Variants in CARD8 observed in about 807,000 individuals in gnomAD.
CARD8 encodes the protein caspase recruitment domain-containing protein 8.
Under a neutral mutation model 53.2 loss-of-function variants are expected in CARD8, and 38 were observed. The observed-to-expected ratio is 0.71, with a 90% CI of 0.55 to 0.94. CARD8 has a LOEUF of 0.94. Among genes scored for constraint, CARD8 ranks in the 40% least tolerant of loss-of-function variants. CARD8 has a pLI of 0.00. For synonymous variants in CARD8, 245 were observed against 244.9 expected (o/e 1.00, Z 0.00); for missense variants, 561 against 655.5 (o/e 0.86, Z 1.57).
rs538718681 is a variant in CARD8, at chr19:48,224,342, A to C, written c.1036-2487T>G. Among the ~76,000 whole-genome samples the C allele has an allele frequency of 1.4e-4, 22 of 152,318 alleles. No individual in the cohort carries two copies. The South Asian group carries it at 4.6e-3, about 32-fold the overall frequency. ...TAGTAATGTATTTCATTTAACTCAC[A>C]ATATCATTTAGGCATGTAACCAACA... is the stretch of plus-strand genomic sequence containing the variant. On this transcript the variant is annotated intron_variant, in intron 10 of 13. Transcript: ENST00000651546.
At chr19:48,243,379 A>G (rs898122381) in intron 3 of CARD8, among the ~76,000 whole-genome samples, 1 of 152,166 alleles carries the variant, frequency 6.6e-6, no homozygotes, top group Non-Finnish European at 1.5e-5. Context: ...CCACCACTGA[A>G]TTTATCTGCA....
downstream of CARD8, chr19:48,206,388 T>C (rs1434263732): frequency 2.2e-6 from 1 of 455,964 alleles, no homozygotes; most frequent in Non-Finnish European, 4.4e-6. Context: ...GCCTACCGTA[T>C]TGGATAGTGA....
Position 48,252,834 on chromosome 19 carries a change from CACAT to C in CARD8, c.-252+2954_-252+2957del, listed in dbSNP as rs890418330. 1.3e-3 allele frequency among the ~76,000 whole-genome samples: 197 copies of C among 151,812 alleles called. 1 individual carries two copies. Among genetic ancestry groups the C allele is most frequent in the African/African-American group, 4.6e-3 (190 of 41,470 alleles). On this transcript the variant is annotated intron_variant, in intron 1 of 13. Transcript: ENST00000651546. ...ACACACACACACACACACACACACA[CACAT>C]ATGTGTATACATATACAACTACATA...
downstream of CARD8, among the ~76,000 whole-genome samples, chr19:48,207,194 A>C (rs1443302115): frequency 2.6e-5 from 4 of 151,300 alleles, no homozygotes; most frequent in Admixed American, 2.0e-4. Flanking sequence ...GAAAAGAAAA[A>C]AAAAACCATG....
chr19:48,211,596 A>G lies in CARD8; in HGVS notation c.*114T>C. 1 of 1,024,538 alleles carries G rather than the reference A, an allele frequency of 9.8e-7. No homozygotes were observed. Among genetic ancestry groups the G allele is most frequent in the Non-Finnish European group, 1.4e-6 (1 of 691,602 alleles). 63.5% of individuals were successfully genotyped at this position (1,024,538 alleles called of 1,614,324 possible). A position where few individuals can be genotyped will look rare whatever the true frequency, so the allele number is the denominator to read the frequency against. On this transcript the variant is annotated 3_prime_UTR_variant, in exon 14 of 14. Coordinates refer to ENST00000651546, the MANE Select transcript of CARD8 (RefSeq NM_001184900.3). ...TCTGTCCTGAAAGCCTGTGTGATAG[A>G]TGTTACCCAGTCTTCTTCTGTCTTG...
At chr19:48,252,139 C>T (rs2047007482) in intron 1 of CARD8, among the ~76,000 whole-genome samples, 2 of 152,090 alleles carry the variant, frequency 1.3e-5, no homozygotes, top group Non-Finnish European at 2.9e-5. Flanking sequence ...ATGATCAGCT[C>T]TCAGGGAGCA....
chr19:48,225,513 G>A, intron 10 of CARD8, among the ~76,000 whole-genome samples: 1 of 152,062 alleles, frequency 6.6e-6, no homozygotes, highest in South Asian at 2.1e-4. Context: ...ATAAAGGGAG[G>A]GATGGACCAG....
chr19:48,233,226 G>C (rs2043233741), intron 6 of CARD8: 2 of 417,036 alleles, frequency 4.8e-6, no homozygotes, highest in Non-Finnish European at 9.6e-6. Flanking sequence ...TGAGCCAATG[G>C]TTCGTCATGC....
intron 5 of CARD8, among the ~76,000 whole-genome samples, chr19:48,235,431 G>A (rs545045519): frequency 6.6e-6 from 1 of 152,304 alleles, no homozygotes; most frequent in East Asian, 1.9e-4. Context: ...CTGCCACCAT[G>A]TAAGACATGC....
At chr19:48,239,081 G>A (rs763640496) in intron 4 of CARD8, among the ~76,000 whole-genome samples, 18 of 152,172 alleles carry the variant, frequency 1.2e-4, no homozygotes, top group African/African-American at 2.2e-4. Context: ...TCTATCCTTC[G>A]TTGGTCCTAA....
chr19:48,226,377 T>A (rs2041796453), intron 10 of CARD8, among the ~76,000 whole-genome samples: 1 of 152,110 alleles, frequency 6.6e-6, no homozygotes, highest in Admixed American at 6.6e-5. Flanking sequence ...GCATGTGCCA[T>A]CACATCCAGC....
rs553638152 is a variant in CARD8 at position 48,217,079 on chromosome 19, G to A, written c.1304-1695C>T. On this transcript the variant is annotated intron_variant, in intron 12 of 13. Transcript: ENST00000651546. ...CTGCACAGTTCACAATAGGGTTCGCGCTCCTACGAGAATGTAATGCCACCA... is the reference window on the plus strand; with the variant it reads ...CTGCACAGTTCACAATAGGGTTCGCACTCCTACGAGAATGTAATGCCACCA... Among the ~76,000 whole-genome samples the A allele has an allele frequency of 1.3e-3, 199 of 152,082 alleles. 1 individual carries two copies. Among genetic ancestry groups the A allele is most frequent in the African/African-American group, 4.6e-3 (192 of 41,454 alleles).
At chr19:48,214,298 A>G (rs2038704518) in intron 13 of CARD8, among the ~76,000 whole-genome samples, 1 of 152,194 alleles carries the variant, frequency 6.6e-6, no homozygotes. Context: ...GGTGATGGTC[A>G]GGCAGTTGTT....
intron 7 of CARD8, 116 bp from the exon 8 acceptor site, chr19:48,231,926 C>G (rs759973272): frequency 4.6e-6 from 4 of 870,504 alleles, no homozygotes; most frequent in Middle Eastern, 2.1e-4. Context: ...CGAATGAGAG[C>G]TGAGAGTGAC....
rs2042949591 is a variant in CARD8, at chr19:48,231,829, A to C, written c.392-19T>G. 2 of 1,612,444 alleles carry C rather than the reference A, an allele frequency of 1.2e-6. No homozygotes were observed. Among genetic ancestry groups the C allele is most frequent in the African/African-American group, 2.7e-5 (2 of 74,890 alleles). On this transcript the variant is annotated intron_variant, in intron 7 of 13. Coordinates refer to ENST00000651546, the MANE Select transcript of CARD8 (RefSeq NM_001184900.3). ...ATGTCTCCTGAAAAGAAAATACTAG[A>C]CATGTAAGAGGTAAAGGGTTGGAAG...
intron 10 of CARD8, among the ~76,000 whole-genome samples, chr19:48,228,625 A>G (rs1027391866): frequency 3.3e-5 from 5 of 152,206 alleles, no homozygotes; most frequent in African/African-American, 1.2e-4. Context: ...ATTGAGAAGC[A>G]TAAGGGAAAA....
At chr19:48,205,938 C>T (rs1361160603), downstream of CARD8, among the ~76,000 whole-genome samples, 1 of 152,108 alleles carries the variant, frequency 6.6e-6, no homozygotes, top group Non-Finnish European at 1.5e-5. Flanking sequence ...CACTCTGTCA[C>T]CCAGGCTGGA....
At chr19:48,234,655 T>A in intron 5 of CARD8, 112 bp from the exon 6 acceptor site, 1 of 986,856 alleles carries the variant, frequency 1.0e-6, no homozygotes, top group South Asian at 1.6e-5. Flanking sequence ...TATTTTATCT[T>A]AGGGAAGTCA....
At chr19:48,249,191 C>T (rs773127391) in intron 3 of CARD8, among the ~76,000 whole-genome samples, 32 of 149,454 alleles carry the variant, frequency 2.1e-4, no homozygotes, top group Non-Finnish European at 4.3e-4. Flanking sequence ...AACGAGACTC[C>T]GTCTCAAAAA....
Sources: gnomAD v4.1 joint callset for allele counts (sites outside exome capture counted in the v4.1 genomes callset) on GRCh38, gnomAD v4.1.1 for gene constraint, MANE v1.5 for transcripts, NCBI Gene and HGNC (gene_info 2026-07-23, HGNC 2026-07-21) for gene names.